The following SGCZ variants were observed in gnomAD, a reference collection of about 807,000 sequenced individuals.
The protein encoded by SGCZ is zeta-sarcoglycan.
Under a neutral mutation model 41.3 loss-of-function variants are expected in SGCZ, and 40 were observed. The ratio of observed to expected loss-of-function variants is 0.97; its 90% CI spans 0.75 to 1.26. SGCZ has a LOEUF of 1.26. SGCZ is among the 50% of genes most tolerant of loss of function. The probability of loss-of-function intolerance (pLI) is 0.00; values close to 1 mark genes in which losing one functional copy is unlikely to be tolerated. For synonymous variants in SGCZ, 206 were observed against 137.5 expected, an observed-to-expected ratio of 1.50 and a Z score of -3.49; for missense variants, 552 against 369.8, an observed-to-expected ratio of 1.49 and a Z score of -4.04.
chr8:14,295,311 T>C (rs1800972005), intron 3 of SGCZ, among the ~76,000 whole-genome samples: 1 of 152,178 alleles, frequency 6.6e-6, no homozygotes, highest in East Asian at 1.9e-4. Flanking sequence ...GAACTCACTG[T>C]AGTAGCTGAA....
chr8:14,963,540 G>A (rs139291172), intron 1 of SGCZ, among the ~76,000 whole-genome samples: 1 of 152,044 alleles, frequency 6.6e-6, no homozygotes, highest in Non-Finnish European at 1.5e-5. Context: ...TACGGACAGG[G>A]TTTCAACATG....
intron 1 of SGCZ, among the ~76,000 whole-genome samples, chr8:15,155,789 G>A (rs879653990): frequency 9.9e-5 from 15 of 152,168 alleles, no homozygotes; most frequent in Admixed American, 9.8e-4. Flanking sequence ...TGAGCGTGGT[G>A]ACTTACACCT....
intron 2 of SGCZ, among the ~76,000 whole-genome samples, chr8:14,364,243 A>G (rs1190856689): frequency 6.6e-6 from 1 of 152,188 alleles, no homozygotes. Flanking sequence ...ATATTGTGAA[A>G]AATCTCTACC....
intron 2 of SGCZ, among the ~76,000 whole-genome samples, chr8:14,499,373 T>C (rs1802083032): frequency 6.6e-6 from 1 of 152,026 alleles, no homozygotes; most frequent in Non-Finnish European, 1.5e-5. Context: ...CAACATAAAT[T>C]TTCTTTTGCA....
intron 1 of SGCZ, among the ~76,000 whole-genome samples, chr8:14,832,849 G>A (rs1397570589): frequency 6.6e-6 from 1 of 151,970 alleles, no homozygotes; most frequent in Admixed American, 6.6e-5. Flanking sequence ...TAATATGTAT[G>A]TTGCATAAAA....
At chr8:14,757,651 C>A (rs1396779127) in intron 1 of SGCZ, among the ~76,000 whole-genome samples, 1 of 152,156 alleles carries the variant, frequency 6.6e-6, no homozygotes, top group African/African-American at 2.4e-5. Context: ...AGAAAAGAAA[C>A]AACTCTTTCG....
chr8:15,030,604 C>T (rs1398798598), intron 1 of SGCZ, among the ~76,000 whole-genome samples: 2 of 152,078 alleles, frequency 1.3e-5, no homozygotes, highest in African/African-American at 2.4e-5. Flanking sequence ...TAAAGACATT[C>T]GTTAAGTGGA....
intron 1 of SGCZ, among the ~76,000 whole-genome samples, chr8:14,807,975 T>C (rs1449667882): frequency 6.6e-6 from 1 of 151,312 alleles, no homozygotes; most frequent in Non-Finnish European, 1.5e-5. Context: ...AAACAAACCA[T>C]GGGGAAAGGA....
chr8:14,180,582 G>T (rs1486356150), intron 4 of SGCZ, among the ~76,000 whole-genome samples: 2 of 151,956 alleles, frequency 1.3e-5, no homozygotes, highest in Admixed American at 6.6e-5. Context: ...GTTAAAAACC[G>T]AATTGCCAGT....
chr8:14,916,137 A>T (rs1239906202), intron 1 of SGCZ, among the ~76,000 whole-genome samples: 1 of 152,194 alleles, frequency 6.6e-6, no homozygotes, highest in Non-Finnish European at 1.5e-5. Flanking sequence ...TAGCAGATAA[A>T]TTTTTTAAAT....
intron 1 of SGCZ, among the ~76,000 whole-genome samples, chr8:14,801,435 G>A (rs1329921274): frequency 6.6e-6 from 1 of 152,092 alleles, no homozygotes; most frequent in Admixed American, 6.5e-5. Context: ...TTGGAAGATG[G>A]ATGTAGCACT....
At chr8:14,540,414 TG>T (rs1268463828) in intron 2 of SGCZ, among the ~76,000 whole-genome samples, 4 of 151,670 alleles carry the variant, frequency 2.6e-5, no homozygotes, top group Admixed American at 2.0e-4. Context: ...TTGAGTTTTT[TG>T]CTTTGTTTCT....
chr8:14,437,947 G>C (rs1182759923), intron 2 of SGCZ, among the ~76,000 whole-genome samples: 1 of 151,816 alleles, frequency 6.6e-6, no homozygotes, highest in African/African-American at 2.4e-5. Context: ...GTTGTAAATA[G>C]TTTGGCATAT....
chr8:14,761,783 CA>C (rs1454183785), intron 1 of SGCZ, among the ~76,000 whole-genome samples: 7 of 151,988 alleles, frequency 4.6e-5, no homozygotes, highest in African/African-American at 1.5e-4. Context: ...CTTCGGCCTC[CA>C]AAACTGCTGG....
chr8:14,411,319 C>T (rs577004958), intron 2 of SGCZ, among the ~76,000 whole-genome samples: 5 of 152,142 alleles, frequency 3.3e-5, no homozygotes, highest in East Asian at 1.9e-4. Context: ...CATAAACATT[C>T]GTATAGAAAC....
At chr8:14,851,368 C>CAAAAAAAAAAAAAAAAAAAAAAAAA (rs369090223) in intron 1 of SGCZ, among the ~76,000 whole-genome samples, 6 of 61,902 alleles carry the variant, frequency 9.7e-5, no homozygotes, top group African/African-American at 3.2e-4. Flanking sequence ...GACTCCATCT[C>CAAAAAAAAAAAAAAAAAAAAAAAAA]AAAAAAAAAA....
intron 3 of SGCZ, among the ~76,000 whole-genome samples, chr8:14,247,992 G>A (rs1368636253): frequency 6.6e-6 from 1 of 152,182 alleles, no homozygotes; most frequent in Non-Finnish European, 1.5e-5. Context: ...AACGACTAAG[G>A]TAAAGCAGTA....
At chr8:14,190,437 A>G (rs1003338328) in intron 4 of SGCZ, among the ~76,000 whole-genome samples, 6 of 152,064 alleles carry the variant, frequency 3.9e-5, no homozygotes, top group Admixed American at 2.6e-4. Context: ...CATTATTGAT[A>G]CGTCTATCAA....
chr8:14,864,767 T>C (rs572308016), intron 1 of SGCZ, among the ~76,000 whole-genome samples: 8 of 152,122 alleles, frequency 5.3e-5, no homozygotes, highest in Non-Finnish European at 1.0e-4. Flanking sequence ...TCATAACCGG[T>C]AACTAATTTG....
Sources: allele counts gnomAD v4.1 joint callset (sites outside exome capture counted in the v4.1 genomes callset), GRCh38; gene constraint gnomAD v4.1.1; transcripts MANE v1.5; gene names NCBI Gene and HGNC (gene_info 2026-07-23, HGNC 2026-07-21).